SNTG1: variants seen among roughly 807,000 people sequenced by gnomAD.
The protein encoded by SNTG1 is gamma-1-syntrophin.
SNTG1 carries 39 observed loss-of-function variants against 74.7 expected under a neutral mutation model. The observed-to-expected ratio is 0.52, with a 90% confidence interval of 0.40 to 0.68. The LOEUF (loss-of-function observed/expected upper bound fraction) is 0.68. Among genes scored for constraint, SNTG1 ranks in the 30% least tolerant of loss-of-function variants. SNTG1 has a pLI of 0.00. For synonymous variants in SNTG1, 254 were observed against 217.1 expected, an observed-to-expected ratio of 1.17 and a Z score of -1.49; for missense variants, 685 against 609.5, an observed-to-expected ratio of 1.12 and a Z score of -1.30.
At chr8:50,025,265 T>G (rs1343230930) in intron 1 of SNTG1, among the ~76,000 whole-genome samples, 3 of 152,152 alleles carry the variant, frequency 2.0e-5, no homozygotes, top group East Asian at 3.9e-4. Flanking sequence ...ATTCATTAAT[T>G]TTAGATATCT....
At position 50,051,272 on chromosome 8, in the gene SNTG1, A is replaced by AG. The variant is rs1166576906; in HGVS notation, c.-102-121289_-102-121288insG. Among the ~76,000 whole-genome samples, 6 of 150,566 alleles carry AG rather than the reference A, an allele frequency of 4.0e-5. No homozygotes were observed. The East Asian group carries it at 1.2e-3, about 29-fold the overall frequency. On this transcript the variant is annotated intron_variant, in intron 1 of 18. Transcript: ENST00000642720. ...CACACACACACACACACACACACAA[A>AG]CAAACAAGAAGAAAACATTTAAATT...
chr8:49,995,559 G>A lies in SNTG1; in HGVS notation c.-103+83328G>A, dbSNP rs1814126979. On this transcript the variant is annotated intron_variant, in intron 1 of 18. Transcript: ENST00000642720. ...CTCCAATAGCATTCAGCAGTTCAGG[G>A]TTTTTGCAGAGCTGGCAGAGAATTC... Among the ~76,000 whole-genome samples, 4 of 152,206 alleles carry A rather than the reference G, an allele frequency of 2.6e-5. No individual in the cohort carries two copies. In the South Asian group the frequency reaches 8.3e-4, roughly 32 times the overall value.
chr8:50,040,386 C>A (rs186201721), intron 1 of SNTG1, among the ~76,000 whole-genome samples: 1 of 152,052 alleles, frequency 6.6e-6, no homozygotes, highest in African/African-American at 2.4e-5. Flanking sequence ...TTTTCTATCT[C>A]ATTTTGAGGC....
chr8:49,917,214 T>G (rs988160972), intron 1 of SNTG1, among the ~76,000 whole-genome samples: 2 of 152,112 alleles, frequency 1.3e-5, no homozygotes, highest in African/African-American at 4.8e-5. Flanking sequence ...GGTAAATCAC[T>G]TTATCTTAAT....
chr8:50,241,014 T>C (rs1344973150), intron 2 of SNTG1, among the ~76,000 whole-genome samples: 1 of 152,164 alleles, frequency 6.6e-6, no homozygotes, highest in African/African-American at 2.4e-5. Flanking sequence ...ATGTCCACTA[T>C]AAAAAGTCTT....
At chr8:50,699,770 A>G (rs1204833509) in intron 15 of SNTG1, among the ~76,000 whole-genome samples, 1 of 152,240 alleles carries the variant, frequency 6.6e-6, no homozygotes, top group African/African-American at 2.4e-5. Context: ...AAATGCATGC[A>G]GAGAGCAAGC....
intron 2 of SNTG1, among the ~76,000 whole-genome samples, chr8:50,249,860 G>T (rs1022184177): frequency 4.6e-5 from 7 of 151,928 alleles, no homozygotes; most frequent in Non-Finnish European, 1.0e-4. Context: ...ATTGGAAAAA[G>T]AAATTGTTCT....
At chr8:50,465,294 GGAAACAA>G (rs1401014137) in intron 8 of SNTG1, among the ~76,000 whole-genome samples, 1 of 152,010 alleles carries the variant, frequency 6.6e-6, no homozygotes, top group East Asian at 1.9e-4. Context: ...CTCCACAATG[GGAAACAA>G]TTTTATCAGG....
At chr8:50,088,917 T>C (rs546828069) in intron 1 of SNTG1, among the ~76,000 whole-genome samples, 2 of 150,146 alleles carry the variant, frequency 1.3e-5, no homozygotes, top group Admixed American at 1.3e-4. Flanking sequence ...TTAAAGTTCA[T>C]ATGGAACCAA....
chr8:50,239,939 C>T (rs961427145), intron 2 of SNTG1, among the ~76,000 whole-genome samples: 5 of 152,130 alleles, frequency 3.3e-5, no homozygotes, highest in African/African-American at 9.7e-5. Context: ...TCCCAATTCT[C>T]CTTTCTGATA....
chr8:50,283,423 A>G (rs1008337106), intron 2 of SNTG1, among the ~76,000 whole-genome samples: 1 of 152,236 alleles, frequency 6.6e-6, no homozygotes, highest in African/African-American at 2.4e-5. Context: ...TTGTCTGCAG[A>G]TGGCAAAAGA....
chr8:50,353,887 A>C (rs555480694), intron 2 of SNTG1, among the ~76,000 whole-genome samples: 3 of 152,216 alleles, frequency 2.0e-5, no homozygotes, highest in African/African-American at 2.4e-5. Context: ...GCAACAAATC[A>C]CATGCTTCTA....
At position 50,313,917 on chromosome 8, in the gene SNTG1, T is replaced by A. The variant is rs1483123497; in HGVS notation, c.-27-80295T>A. On this transcript the variant is annotated intron_variant, in intron 2 of 18. Transcript: ENST00000642720. Reference sequence around the variant, plus strand: ...GTGTGCATATCTGAAATACAAGGATTGTTTTTCTACATAACTAGCTTGGCA... The same window carrying A: ...GTGTGCATATCTGAAATACAAGGATAGTTTTTCTACATAACTAGCTTGGCA... Among the ~76,000 whole-genome samples, 3 of 150,108 alleles carry A rather than the reference T, an allele frequency of 2.0e-5. 1 individual carries two copies. Among genetic ancestry groups the A allele is most frequent in the African/African-American group, 7.4e-5 (3 of 40,320 alleles).
chr8:50,217,533 CAGATTTAAT>C (rs1276964144), intron 2 of SNTG1, among the ~76,000 whole-genome samples: 1 of 152,050 alleles, frequency 6.6e-6, no homozygotes, highest in Non-Finnish European at 1.5e-5. Flanking sequence ...AGGCCAATAG[CAGATTTAAT>C]AGAAAAAAGT....
At chr8:50,609,101 T>A (rs1265213572) in intron 13 of SNTG1, among the ~76,000 whole-genome samples, 1 of 152,036 alleles carries the variant, frequency 6.6e-6, no homozygotes, top group Non-Finnish European at 1.5e-5. Context: ...AACAGAAAAG[T>A]TCCTTTTTTA....
chr8:50,550,792 A>AATG lies in SNTG1; in HGVS notation c.681-2257_681-2255dup, dbSNP rs1231513732. Among the ~76,000 whole-genome samples, 18 of 152,098 alleles carry AATG rather than the reference A, an allele frequency of 1.2e-4. 1 individual carries two copies. Among genetic ancestry groups the AATG allele is most frequent in the African/African-American group, 3.4e-4 (14 of 41,418 alleles). On this transcript the variant is annotated intron_variant, in intron 11 of 18. Transcript: ENST00000642720. The stretch of plus-strand genomic sequence containing the variant: ...GTCTCACAATGCTAAATTAATGGGT[A>AATG]ATGGAGTCTATTGATTTCATAATAA...
intron 2 of SNTG1, among the ~76,000 whole-genome samples, chr8:50,228,817 T>G (rs2085471224): frequency 6.6e-6 from 1 of 151,748 alleles, no homozygotes; most frequent in African/African-American, 2.4e-5. Flanking sequence ...AACTCACAAA[T>G]GCATACCTGT....
At chr8:50,055,280 A>G (rs1475932022) in intron 1 of SNTG1, among the ~76,000 whole-genome samples, 2 of 152,052 alleles carry the variant, frequency 1.3e-5, no homozygotes, top group Non-Finnish European at 2.9e-5. Flanking sequence ...TATATGTTCC[A>G]TTTTCTCTAC....
intron 1 of SNTG1, among the ~76,000 whole-genome samples, chr8:50,065,163 A>C (rs1820804133): frequency 6.6e-6 from 1 of 152,148 alleles, no homozygotes; most frequent in Non-Finnish European, 1.5e-5. Context: ...AAAATAATCA[A>C]TTTACTTATT....
Sources: allele counts gnomAD v4.1 joint callset (sites outside exome capture counted in the v4.1 genomes callset), GRCh38; gene constraint gnomAD v4.1.1; transcripts MANE v1.5; gene names NCBI Gene and HGNC (gene_info 2026-07-23, HGNC 2026-07-21).